The following TBC1D1 variants were observed in gnomAD, a reference collection of about 807,000 sequenced individuals.
TBC1D1 encodes the protein TBC1 (tre-2/USP6, BUB2, cdc16) domain family, member 1.
Under a neutral mutation model 125.6 loss-of-function variants are expected in TBC1D1, and 89 were observed. The observed-to-expected ratio is 0.71, with a 90% CI of 0.60 to 0.85. The LOEUF is 0.85. TBC1D1 is among the 40% of genes least tolerant of loss of function. The probability of loss-of-function intolerance (pLI) is 0.00; values close to 1 mark genes in which losing one functional copy is unlikely to be tolerated. For synonymous variants in TBC1D1, 565 were observed against 564.1 expected, an observed-to-expected ratio of 1.00 and a Z score of -0.02; for missense variants, 1,377 against 1,469.2, an observed-to-expected ratio of 0.94 and a Z score of 1.03.
intron 6 of TBC1D1, among the ~76,000 whole-genome samples, chr4:38,026,395 T>C (rs1477524432): frequency 6.6e-6 from 1 of 152,196 alleles, no homozygotes; most frequent in Non-Finnish European, 1.5e-5. Context: ...TCCTGGCCTT[T>C]CACAAGTCAC....
rs567085813 is a variant in TBC1D1 at position 37,960,513 on chromosome 4, G to T, written c.418-53996G>T. 5.6e-6 allele frequency: 9 copies of T among 1,614,114 alleles called. No homozygotes were observed. In the East Asian group the frequency reaches 1.8e-4, roughly 32 times the overall value. On this transcript the variant is annotated intron_variant, in intron 2 of 19. Transcript: ENST00000261439. ...GGCTGCCAAGGATGTGCTGAAGCTG[G>T]AGTCTAGACCTTCAATCAAAGCATT...
intron 2 of TBC1D1, among the ~76,000 whole-genome samples, chr4:37,940,421 G>T (rs538708570): frequency 1.3e-5 from 2 of 152,282 alleles, no homozygotes; most frequent in South Asian, 4.1e-4. Context: ...AGGAGATTTT[G>T]GGCTGAGACG....
chr4:37,937,412 A>G (rs970017559), intron 2 of TBC1D1, among the ~76,000 whole-genome samples: 4 of 152,216 alleles, frequency 2.6e-5, no homozygotes, highest in Admixed American at 1.3e-4. Flanking sequence ...TAAAAATTCA[A>G]TCAATTCAGA....
intron 2 of TBC1D1, among the ~76,000 whole-genome samples, chr4:37,943,772 G>A (rs571675015): frequency 3.4e-4 from 52 of 152,238 alleles, no homozygotes; most frequent in African/African-American, 1.2e-3. Flanking sequence ...TCTTTGCGAT[G>A]GGTTCAAACT....
intron 2 of TBC1D1, among the ~76,000 whole-genome samples, chr4:38,001,047 C>T (rs1356128002): frequency 1.3e-5 from 2 of 152,086 alleles, no homozygotes; most frequent in South Asian, 2.1e-4. Context: ...GGTGAAACTC[C>T]GTCTCTACTA....
chr4:38,042,779 A>C (rs1355040350), intron 8 of TBC1D1, among the ~76,000 whole-genome samples: 1 of 152,204 alleles, frequency 6.6e-6, no homozygotes, highest in African/African-American at 2.4e-5. Context: ...GCAAATGCTC[A>C]CTTGAACAAA....
intron 12 of TBC1D1, among the ~76,000 whole-genome samples, chr4:38,059,813 A>G (rs1560713003): frequency 6.6e-6 from 1 of 152,186 alleles, no homozygotes; most frequent in Non-Finnish European, 1.5e-5. Flanking sequence ...TGCTGTACCT[A>G]TCAACCCATC....
intron 2 of TBC1D1, among the ~76,000 whole-genome samples, chr4:37,925,922 A>C (rs191716415): frequency 1.3e-4 from 20 of 152,324 alleles, no homozygotes; most frequent in African/African-American, 4.6e-4. Flanking sequence ...TTGGCCCTAA[A>C]TATTTCCCCA....
At chr4:37,963,343 G>A (rs1402942025) in intron 2 of TBC1D1, among the ~76,000 whole-genome samples, 6 of 152,096 alleles carry the variant, frequency 3.9e-5, no homozygotes, top group Non-Finnish European at 5.9e-5. Context: ...GGAAGGCCAA[G>A]GAGGGAGCAG....
intron 12 of TBC1D1, among the ~76,000 whole-genome samples, chr4:38,057,460 C>T (rs1751937461): frequency 6.6e-6 from 1 of 152,198 alleles, no homozygotes; most frequent in Admixed American, 6.5e-5. Context: ...GCAGGCAAGT[C>T]AGTGGCTCAG....
intron 12 of TBC1D1, among the ~76,000 whole-genome samples, chr4:38,065,214 C>T (rs57009938): frequency 1.3e-5 from 2 of 152,146 alleles, no homozygotes; most frequent in Non-Finnish European, 2.9e-5. Flanking sequence ...TCCCCAAGTG[C>T]TGGGATTATA....
chr4:38,051,779 GAT>G, intron 11 of TBC1D1, 118 bp from the exon 12 acceptor site: 1 of 934,208 alleles, frequency 1.1e-6, no homozygotes, highest in Non-Finnish European at 1.6e-6. Context: ...CCTCCACTCT[GAT>G]AGTGTTACTG....
intron 2 of TBC1D1, chr4:37,960,758 T>G: frequency 6.2e-7 from 1 of 1,614,188 alleles, no homozygotes; most frequent in Non-Finnish European, 8.5e-7. Flanking sequence ...CTGCCTCAGA[T>G]GACGCCTATC....
In TBC1D1 at chr4:38,089,884, A is replaced by G. The variant is rs183762379; in HGVS notation, c.2051-48A>G. Reference sequence around the variant, plus strand: ...GATTTGACACTGTGTTTGAATGTGCATTTTTTGTTGAAAAATGACAATTCT... The same window carrying G: ...GATTTGACACTGTGTTTGAATGTGCGTTTTTTGTTGAAAAATGACAATTCT... On this transcript the variant is annotated intron_variant, in intron 12 of 19. Coordinates refer to ENST00000261439, the MANE Select transcript of TBC1D1 (RefSeq NM_015173.4). 1,246 of 1,519,832 alleles carry G rather than the reference A, an allele frequency of 8.2e-4. 8 individuals carry two copies. Among genetic ancestry groups the G allele is most frequent in the East Asian group, 2.9e-3 (127 of 43,676 alleles). 94.1% of individuals were successfully genotyped at this position (1,519,832 alleles called of 1,614,324 possible). A position where few individuals can be genotyped will look rare whatever the true frequency, so the allele number is the denominator to read the frequency against.
chr4:37,966,989 T>C (rs1467795075), intron 2 of TBC1D1, among the ~76,000 whole-genome samples: 2 of 152,212 alleles, frequency 1.3e-5, no homozygotes, highest in Non-Finnish European at 2.9e-5. Context: ...TTTGTAGGAA[T>C]CTTAAGTTAC....
At chr4:37,923,268 T>C (rs1721399668) in intron 2 of TBC1D1, among the ~76,000 whole-genome samples, 1 of 152,188 alleles carries the variant, frequency 6.6e-6, no homozygotes, top group Admixed American at 6.5e-5. Context: ...TCCAGGTCCC[T>C]GCAAAGGACA....
In TBC1D1 at chr4:38,044,261, A is replaced by T. The variant is rs1012522505; in HGVS notation, c.1414-101A>T. On this transcript the variant is annotated intron_variant, in intron 8 of 19. Transcript: ENST00000261439. ...AGGTGAGATCACAGACAGGATCAGAATGATGGCCTGGTGCCAAAAAGATGT... is the reference window on the plus strand; with the variant it reads ...AGGTGAGATCACAGACAGGATCAGATTGATGGCCTGGTGCCAAAAAGATGT... The T allele has an allele frequency of 5.3e-6, 7 of 1,320,098 alleles. No individual in the cohort carries two copies. The Admixed American group carries it at 1.7e-4, about 32-fold the overall frequency. 81.8% of individuals were successfully genotyped at this position (1,320,098 alleles called of 1,614,324 possible). A position where few individuals can be genotyped will look rare whatever the true frequency, so the allele number is the denominator to read the frequency against.
intron 16 of TBC1D1, 68 bp from the exon 19 acceptor site, chr4:38,117,965 G>A: frequency 7.0e-7 from 1 of 1,431,702 alleles, no homozygotes; most frequent in Non-Finnish European, 9.7e-7. Context: ...CACCCTGTGA[G>A]CAGTAGGCAT....
intron 2 of TBC1D1, among the ~76,000 whole-genome samples, chr4:37,973,583 G>A (rs3849020): frequency 0.063 from 9,567 of 152,136 alleles, 493 homozygotes; most frequent in East Asian, 0.24. Flanking sequence ...GGAGAGTTTC[G>A]TGTAGGAGTT....
Sources: gnomAD v4.1 joint callset for allele counts (sites outside exome capture counted in the v4.1 genomes callset) on GRCh38, gnomAD v4.1.1 for gene constraint, MANE v1.5 for transcripts, NCBI Gene and HGNC (gene_info 2026-07-23, HGNC 2026-07-21) for gene names.